The following UMODL1 variants were observed in gnomAD, a reference collection of about 807,000 sequenced individuals.
UMODL1 encodes uromodulin-like 1.
In UMODL1, 128 loss-of-function variants were observed where a neutral mutation model predicts 136.3. The observed-to-expected ratio is 0.94, with a 90% confidence interval of 0.81 to 1.09. UMODL1 has a LOEUF of 1.09. Among genes scored for constraint, UMODL1 ranks in the 50% least tolerant of loss-of-function variants. The probability of loss-of-function intolerance (pLI) is 0.00; values close to 1 mark genes in which losing one functional copy is unlikely to be tolerated. For synonymous variants in UMODL1, 721 were observed against 720.0 expected (o/e 1.00, Z -0.02); for missense variants, 1,766 against 1,725.6 (o/e 1.02, Z -0.41).
chr21:42,071,512 C>A, intron 1 of UMODL1, 120 bp downstream of exon 1: 3 of 1,026,528 alleles, frequency 2.9e-6, no homozygotes, highest in Non-Finnish European at 3.9e-6. Context: ...CTTGGAGAGG[C>A]GACATCTGTT....
Position 42,099,896 on chromosome 21 carries a change from G to C in UMODL1, c.1186+716G>C, listed in dbSNP as rs220317. Among the ~76,000 whole-genome samples the C allele has an allele frequency of 0.27, 41,625 of 152,048 alleles. 6,018 individuals carry two copies. Among genetic ancestry groups the C allele is most frequent in the East Asian group, 0.36 (1,866 of 5,156 alleles). On this transcript the variant is annotated intron_variant, in intron 7 of 22. Transcript: ENST00000408910. This position sits in a 1 kb window ranked among gnomAD's most constrained non-coding sequence, Gnocchi z 4.1. Reference sequence around the variant, plus strand: ...GAGTCTTGCCATGTTGCTCAGGCTGGTGTCAAACTCCTGGGCTCAAGTGAT... The same window carrying C: ...GAGTCTTGCCATGTTGCTCAGGCTGCTGTCAAACTCCTGGGCTCAAGTGAT...
rs946171700 is a variant in UMODL1, at chr21:42,122,281, C to G, written c.2828-550C>G. On this transcript the variant is annotated intron_variant, in intron 16 of 22. Transcript: ENST00000408910. The surrounding 1 kb of genome is among the most constrained non-coding windows in gnomAD (Gnocchi z 4.3). ...GGTGGATTGGAAAGCTTTCCGGGCC[C>G]CTTGTTCTCCTAGGCATTGAAACTG... Among the ~76,000 whole-genome samples the G allele has an allele frequency of 6.6e-6, 1 of 152,052 alleles. No individual in the cohort carries two copies. Among genetic ancestry groups the G allele is most frequent in the Admixed American group, 6.5e-5 (1 of 15,274 alleles).
intron 22 of UMODL1, among the ~76,000 whole-genome samples, chr21:42,140,273 T>C (rs55877840): frequency 0.19 from 27,848 of 146,320 alleles, 2,628 homozygotes; most frequent in South Asian, 0.31. Flanking sequence ...GTGTTATAGA[T>C]GGGAATCCAG....
At chr21:42,115,844 T>C in intron 13 of UMODL1, 29 bp from the exon 14 acceptor site, 1 of 1,549,066 alleles carries the variant, frequency 6.5e-7, no homozygotes, top group African/African-American at 1.4e-5. Context: ...CAGCACCAAT[T>C]CCAAATGTGC....
intron 6 of UMODL1, among the ~76,000 whole-genome samples, chr21:42,092,393 G>GTT (rs33934057): frequency 0.043 from 6,409 of 147,632 alleles, 173 homozygotes; most frequent in Admixed American, 0.057. Flanking sequence ...GGGTTTTTTT[G>GTT]TTTTTTTTTT....
At chr21:42,103,191 A>G (rs2146480043) in intron 8 of UMODL1, 1 of 189,808 alleles carries the variant, frequency 5.3e-6, no homozygotes, top group South Asian at 1.1e-4. Flanking sequence ...ATTCTGGAAC[A>G]AAAGGGCAGT....
intron 1 of UMODL1, 72 bp from the exon 2 acceptor site, chr21:42,075,933 G>A (rs544253898): frequency 1.6e-5 from 25 of 1,584,650 alleles, no homozygotes; most frequent in African/African-American, 5.4e-5. Flanking sequence ...GCAGAGGGAC[G>A]CCTTGCGGAT....
chr21:42,121,044 C>A, intron 15 of UMODL1, 43 bp from the exon 16 acceptor site: 1 of 1,586,682 alleles, frequency 6.3e-7, no homozygotes, highest in Non-Finnish European at 8.6e-7. Context: ...GACCACAAGC[C>A]CCCAGGGATG....
chr21:42,142,299 G>A lies in UMODL1; in HGVS notation c.*225G>A, dbSNP rs556762011. On this transcript the variant is annotated 3_prime_UTR_variant, in exon 23 of 23. Coordinates refer to ENST00000408910, the MANE Select transcript of UMODL1 (RefSeq NM_001004416.3). ...CAGCAGCCACCGTCTGTCCCGAAGAGGCAGGCCGTCCTGTAGGTCCTAGAG... is the reference window on the plus strand; with the variant it reads ...CAGCAGCCACCGTCTGTCCCGAAGAAGCAGGCCGTCCTGTAGGTCCTAGAG... 3 of 152,442 alleles carry A rather than the reference G, an allele frequency of 2.0e-5. No homozygotes were observed. Among genetic ancestry groups the A allele is most frequent in the Admixed American group, 6.5e-5 (1 of 15,304 alleles). 9.4% of individuals were successfully genotyped at this position (152,442 alleles called of 1,614,324 possible). A position where few individuals can be genotyped will look rare whatever the true frequency, so the allele number is the denominator to read the frequency against.
intron 14 of UMODL1, among the ~76,000 whole-genome samples, chr21:42,116,570 C>G (rs1249840133): frequency 6.6e-6 from 1 of 152,048 alleles, no homozygotes; most frequent in East Asian, 1.9e-4. Context: ...TCCAGTGAAA[C>G]CTGTTTTTCA....
chr21:42,127,037 G>T lies in UMODL1; in HGVS notation c.3325G>T (p.Ala1109Ser). Residue 1109 changes from alanine (A) to serine (S), a missense_variant, in exon 19 of 23, where the codon GCT (alanine) becomes TCT (serine). By Grantham distance (99) the Ala-to-Ser change is moderately conservative. Transcript: ENST00000408910. ...VYTIIEDLHG[A>S]GNFVTEMQLF... is the part of the protein sequence containing the mutation. The stretch of plus-strand genomic sequence containing the variant: ...CACCATCATCGAGGACCTCCACGGC[G>T]CTGGGAATTTTGTTACCGAAATGCA... 1 of 1,614,202 alleles carries T rather than the reference G, an allele frequency of 6.2e-7. No homozygotes were observed. The highest frequency in any genetic ancestry group is 8.5e-7 in the Non-Finnish European group (1 of 1,180,028).
At position 42,076,105 on chromosome 21, in the gene UMODL1, G is replaced by T. The variant is rs2066287592; in HGVS notation, c.177G>T (p.Val59=). Residue 59 remains valine, a synonymous_variant, in exon 2 of 23, where the codon GTG becomes GTT. Coordinates refer to ENST00000408910, the MANE Select transcript of UMODL1 (RefSeq NM_001004416.3). ...EAVQTSYTSY[V]SCGGWIPWRR... is the part of the protein sequence containing the mutation. ...TGCAGACGTCCTACACGTCCTATGT[G>T]TCCTGCGGCGGCTGGATCCCCTGGA... 1.2e-6 allele frequency: 2 copies of T among 1,614,268 alleles called. No individual in the cohort carries two copies. Among genetic ancestry groups the T allele is most frequent in the African/African-American group, 2.7e-5 (2 of 75,066 alleles).
chr21:42,137,309 C>T (rs113056294), intron 21 of UMODL1, 130 bp from the exon 22 acceptor site: 65 of 1,158,610 alleles, frequency 5.6e-5, no homozygotes, highest in South Asian at 2.9e-4. Flanking sequence ...CACAGGCACA[C>T]GGGTGCACAC....
At position 42,083,639 on chromosome 21, in the gene UMODL1, T is replaced by C. The variant is rs148620161; in HGVS notation, c.320-445T>C. On this transcript the variant is annotated intron_variant, in intron 2 of 22. Transcript: ENST00000408910. ...TGAATATCTGTAGATCTCCTTGCAC[T>C]ATTGTTCCCCCACTGGAATATAAGT... is the stretch of plus-strand genomic sequence containing the variant. Among the ~76,000 whole-genome samples, 537 of 152,356 alleles carry C rather than the reference T, an allele frequency of 3.5e-3. 2 individuals carry two copies. Among genetic ancestry groups the C allele is most frequent in the African/African-American group, 0.012 (506 of 41,576 alleles).
At chr21:42,116,346 C>T (rs988837899) in intron 14 of UMODL1, among the ~76,000 whole-genome samples, 7 of 150,624 alleles carry the variant, frequency 4.6e-5, no homozygotes, top group Non-Finnish European at 8.9e-5. Context: ...AGAGTGAAAC[C>T]CTGTGGGAAA....
chr21:42,094,130 C>T (rs1200458579), intron 6 of UMODL1: 1 of 365,578 alleles, frequency 2.7e-6, no homozygotes, highest in East Asian at 7.4e-5. Flanking sequence ...TGTTGCTTGG[C>T]ACAGTGAACT....
chr21:42,126,544 C>T lies in UMODL1; in HGVS notation c.3293+54C>T, dbSNP rs750304734. On this transcript the variant is annotated intron_variant, in intron 18 of 22. Transcript: ENST00000408910. Reference sequence around the variant, plus strand: ...CAGCCACGTGCCTCCAGACCACCTGCGCTTTGAGAGTTCTTTAGGGTGTCA... The same window carrying T: ...CAGCCACGTGCCTCCAGACCACCTGTGCTTTGAGAGTTCTTTAGGGTGTCA... The T allele has an allele frequency of 3.7e-4, 590 of 1,611,708 alleles. 1 individual carries two copies. Among genetic ancestry groups the T allele is most frequent in the Non-Finnish European group, 4.6e-4 (546 of 1,178,734 alleles).
Position 42,122,395 on chromosome 21 carries a change from A to G in UMODL1, c.2828-436A>G, listed in dbSNP as rs756148571. ...AGGCATCATTACCCCATCTTAGAGAATAGACTCAGGGCTCTCAGGGCAGAA... is the reference window on the plus strand; with the variant it reads ...AGGCATCATTACCCCATCTTAGAGAGTAGACTCAGGGCTCTCAGGGCAGAA... On this transcript the variant is annotated intron_variant, in intron 16 of 22. Coordinates refer to ENST00000408910, the MANE Select transcript of UMODL1 (RefSeq NM_001004416.3). This position sits in a 1 kb window ranked among gnomAD's most constrained non-coding sequence, Gnocchi z 4.3. 2.0e-5 allele frequency among the ~76,000 whole-genome samples: 3 copies of G among 152,166 alleles called. No homozygotes were observed. Among genetic ancestry groups the G allele is most frequent in the Non-Finnish European group, 2.9e-5 (2 of 68,014 alleles).
chr21:42,139,798 C>G (rs544516891), intron 22 of UMODL1, among the ~76,000 whole-genome samples: 2 of 152,078 alleles, frequency 1.3e-5, no homozygotes, highest in Admixed American at 1.3e-4. Flanking sequence ...GCACTGGTCC[C>G]GTCTATGCTG....
Sources: gnomAD v4.1 joint callset for allele counts (sites outside exome capture counted in the v4.1 genomes callset) on GRCh38, gnomAD v4.1.1 for gene constraint, Gnocchi (gnomAD v3.1) non-coding constraint, MANE v1.5 for transcripts, NCBI Gene and HGNC (gene_info 2026-07-23, HGNC 2026-07-21) for gene names.